The following USP24 variants were observed in gnomAD, a reference collection of about 807,000 sequenced individuals.
USP24 encodes ubiquitin specific peptidase 24.
A neutral mutation model predicts 361.6 loss-of-function variants in USP24; 97 were observed. The observed-to-expected ratio is 0.27, with a 90% CI of 0.23 to 0.32. USP24 has a LOEUF of 0.32. Ranked by LOEUF, USP24 falls within the 10% of genes least tolerant of loss-of-function variation. The pLI is 1.00. For missense variants in USP24, 2,353 were observed against 3,165.6 expected, an observed-to-expected ratio of 0.74 and a Z score of 6.16; for synonymous variants, 1,098 against 1,124.6, an observed-to-expected ratio of 0.98 and a Z score of 0.47.
chr1:55,075,624 T>C (rs1645009542), intron 62 of USP24, 101 bp from the exon 63 acceptor site: 2 of 670,598 alleles, frequency 3.0e-6, no homozygotes, highest in Admixed American at 6.9e-5. Context: ...ATTTAGTGTT[T>C]GACAACAACA....
intron 41 of USP24, 45 bp from the exon 42 acceptor site, chr1:55,104,065 C>T: frequency 1.3e-6 from 2 of 1,543,960 alleles, no homozygotes; most frequent in Non-Finnish European, 1.7e-6. Flanking sequence ...GAATAATCTA[C>T]TTAAATTACT....
At chr1:55,146,881 A>T (rs1187047110) in intron 19 of USP24, 48 bp downstream of exon 19, 1 of 1,602,470 alleles carries the variant, frequency 6.2e-7, no homozygotes, top group Admixed American at 1.7e-5. Flanking sequence ...AAAAAGTGAA[A>T]TATTTAAATA....
rs778815421 is a variant in USP24, at chr1:55,107,348, A to G, written c.4653T>C (p.Asn1551=). 2 of 1,613,946 alleles carry G rather than the reference A, an allele frequency of 1.2e-6. No homozygotes were observed. The highest frequency in any genetic ancestry group is 1.3e-5 in the African/African-American group (1 of 75,056). Reference sequence around the variant, plus strand: ...CACTGGTCTCACATTCAGCTGTACGATTAGGTTCAAAGTTATCCAGCCAAG... The same window carrying G: ...CACTGGTCTCACATTCAGCTGTACGGTTAGGTTCAAAGTTATCCAGCCAAG... ...EITWLDNFEP[N]RTAECETSEA... is the part of the protein sequence containing the mutation. The change falls in exon 40 of 68, where the codon AAT becomes AAC. Residue 1551 remains asparagine (N), a synonymous_variant. Coordinates refer to ENST00000294383, the MANE Select transcript of USP24 (RefSeq NM_015306.3).
chr1:55,150,556 G>A (rs1303339482), intron 16 of USP24, among the ~76,000 whole-genome samples: 1 of 152,006 alleles, frequency 6.6e-6, no homozygotes, highest in Non-Finnish European at 1.5e-5. Context: ...TTACAAAATT[G>A]GGACATAAAT....
intron 38 of USP24, among the ~76,000 whole-genome samples, chr1:55,114,272 G>A (rs1436128639): frequency 1.3e-5 from 2 of 152,188 alleles, no homozygotes; most frequent in East Asian, 3.9e-4. Flanking sequence ...AACATTCCAT[G>A]CTCGTGCCCA....
intron 10 of USP24, among the ~76,000 whole-genome samples, chr1:55,158,251 A>G (rs1647898658): frequency 6.6e-6 from 1 of 152,192 alleles, no homozygotes; most frequent in Non-Finnish European, 1.5e-5. Flanking sequence ...CCTTTCATTC[A>G]TGTAAAATAA....
Position 55,085,957 on chromosome 1 carries a change from C to T in USP24, c.6750G>A (p.Leu2250=). 1 of 1,613,846 alleles carries T rather than the reference C, an allele frequency of 6.2e-7. No individual in the cohort carries two copies. Among genetic ancestry groups the T allele is most frequent in the South Asian group, 1.1e-5 (1 of 91,072 alleles). ...TGAGACCGACCTTATCCTGATAAAA[C>T]AAGGCACTGTCTAGGGTTTTCTCCA... is the stretch of plus-strand genomic sequence containing the variant. The part of the protein sequence containing the change: ...TILEKTLDSA[L]FYQDKLKSLH... The change falls in exon 56 of 68, where the codon TTG becomes TTA. Residue 2250 remains leucine, a synonymous_variant. Coordinates refer to ENST00000294383, the MANE Select transcript of USP24 (RefSeq NM_015306.3).
At chr1:55,201,586 G>A (rs1375966504) in intron 1 of USP24, among the ~76,000 whole-genome samples, 2 of 101,110 alleles carry the variant, frequency 2.0e-5, no homozygotes, top group African/African-American at 4.0e-5. Flanking sequence ...GGGTGACAGA[G>A]CAAGACTCCA....
chr1:55,144,253 T>C lies in USP24; in HGVS notation c.2363-50A>G, dbSNP rs557221651. 3.3e-5 allele frequency: 42 copies of C among 1,273,174 alleles called. No homozygotes were observed. In the Middle Eastern group the frequency reaches 9.5e-4, roughly 29 times the overall value. The allele number at this position is 1,273,174 out of a possible 1,614,324, so 78.9% of individuals were successfully genotyped here. ...ATTCATGTACTCTACGTAACACAGA[T>C]AATCAATGAAAAGACTCAAAGTGGA... is the stretch of plus-strand genomic sequence containing the variant. On this transcript the variant is annotated intron_variant, in intron 20 of 67. Coordinates refer to ENST00000294383, the MANE Select transcript of USP24 (RefSeq NM_015306.3).
intron 35 of USP24, among the ~76,000 whole-genome samples, chr1:55,123,982 TTACTG>T (rs1646354894): frequency 1.3e-5 from 2 of 152,220 alleles, no homozygotes; most frequent in African/African-American, 2.4e-5. Context: ...TGTCTGCACT[TTACTG>T]TATATATGTC....
intron 36 of USP24, among the ~76,000 whole-genome samples, chr1:55,122,734 G>A (rs1329787913): frequency 6.6e-6 from 1 of 152,144 alleles, no homozygotes; most frequent in Non-Finnish European, 1.5e-5. Context: ...ATGAAGCCAA[G>A]GTTTTTGGCC....
chr1:55,117,494 C>T (rs978526971), intron 38 of USP24, among the ~76,000 whole-genome samples: 30 of 150,698 alleles, frequency 2.0e-4, no homozygotes, highest in African/African-American at 7.1e-4. Context: ...TTTGGGAGGC[C>T]GAGGCGGGTG....
chr1:55,208,868 G>A lies in USP24; in HGVS notation c.324+5922C>T, dbSNP rs921328925. 2.0e-5 allele frequency among the ~76,000 whole-genome samples: 3 copies of A among 151,978 alleles called. No individual in the cohort carries two copies. In the East Asian group the frequency reaches 5.8e-4, roughly 29 times the overall value. ...GAAGAATCGCTTGAAACTGGAAGGC[G>A]GACGTTGCAGTGAGCCAAGATCACA... On this transcript the variant is annotated intron_variant, in intron 1 of 67. Coordinates refer to ENST00000294383, the MANE Select transcript of USP24 (RefSeq NM_015306.3).
Position 55,095,447 on chromosome 1 carries a change from T to C in USP24, c.6062-51A>G, listed in dbSNP as rs946714983. The C allele has an allele frequency of 7.2e-6, 11 of 1,519,282 alleles. No individual in the cohort carries two copies. In the East Asian group the frequency reaches 2.4e-4, roughly 33 times the overall value. The allele number at this position is 1,519,282 out of a possible 1,614,324, so 94.1% of individuals were successfully genotyped here. On this transcript the variant is annotated intron_variant, in intron 50 of 67. Coordinates refer to ENST00000294383, the MANE Select transcript of USP24 (RefSeq NM_015306.3). ...CATCTGTAAATAAAAGTTTTTCTTG[T>C]CTTGACAATCTAAAACAAAGGGCCC... is the stretch of plus-strand genomic sequence containing the variant.
Position 55,215,190 on chromosome 1 carries a change from C to A in USP24, c.-77G>T. ...CGGGCCTGGCGGGCCGCGCGGCGCA[C>A]CCTCCGCGCCGCCTCCGCGCCCAGG... On this transcript the variant is annotated 5_prime_UTR_variant, in exon 1 of 68. Coordinates refer to ENST00000294383, the MANE Select transcript of USP24 (RefSeq NM_015306.3). The A allele has an allele frequency of 8.7e-7, 1 of 1,143,278 alleles. No individual in the cohort carries two copies. Among genetic ancestry groups the A allele is most frequent in the Non-Finnish European group, 1.1e-6 (1 of 916,858 alleles). The allele number at this position is 1,143,278 out of a possible 1,614,324, so 70.8% of individuals were successfully genotyped here.
At position 55,083,273 on chromosome 1, in the gene USP24, T is replaced by C; in HGVS notation, c.6974A>G (p.Gln2325Arg). ...TAGGGATATAAAAGTAGTCCTTACCTGATTGTTTTGCCGACTGGCCCCTAG... is the reference window on the plus strand; with the variant it reads ...TAGGGATATAAAAGTAGTCCTTACCCGATTGTTTTGCCGACTGGCCCCTAG... ...FLLGASRQNN[Q>R]IRRWSSAQAR... The change falls in exon 58 of 68, where the codon CAG (glutamine) becomes CGG (arginine). Residue 2325 changes from glutamine (Q) to arginine (R), a missense_variant and splice_region_variant. Around this residue, in one of 8 missense-constraint regions of USP24, gnomAD observed 598 missense variants for 761.9 expected, o/e 0.78. Transcript: ENST00000294383. The C allele has an allele frequency of 1.2e-6, 2 of 1,613,644 alleles. No individual in the cohort carries two copies. Among genetic ancestry groups the C allele is most frequent in the African/African-American group, 2.7e-5 (2 of 75,038 alleles).
At chr1:55,170,090 C>A in intron 5 of USP24, among the ~76,000 whole-genome samples, 1 of 151,812 alleles carries the variant, frequency 6.6e-6, no homozygotes, top group African/African-American at 2.4e-5. Flanking sequence ...GAGCAGAGGA[C>A]CATACAGAGG....
At chr1:55,073,387 A>C (rs970037344) in intron 64 of USP24, among the ~76,000 whole-genome samples, 12 of 152,154 alleles carry the variant, frequency 7.9e-5, no homozygotes, top group Non-Finnish European at 1.5e-4. Flanking sequence ...AAATAAGATA[A>C]TACAGGCAAG....
At chr1:55,139,812 C>G (rs965504862) in intron 24 of USP24, among the ~76,000 whole-genome samples, 4 of 152,112 alleles carry the variant, frequency 2.6e-5, no homozygotes, top group African/African-American at 9.7e-5. Context: ...TTTAGCAGTT[C>G]TATTAAATAT....
Sources: gnomAD v4.1 joint callset for allele counts (sites outside exome capture counted in the v4.1 genomes callset) on GRCh38, gnomAD v4.1.1 for gene constraint, gnomAD v4.1.1 regional missense constraint, MANE v1.5 for transcripts, NCBI Gene and HGNC (gene_info 2026-07-23, HGNC 2026-07-21) for gene names.